GLB1L3: variants seen among roughly 807,000 people sequenced by gnomAD.
The protein encoded by GLB1L3 is galactosidase beta 1 like 3, also known as beta-galactosidase-1-like protein 3.
In GLB1L3, 89 loss-of-function variants were observed where a neutral mutation model predicts 89.5. That is an observed-to-expected ratio of 0.99 (90% confidence interval 0.84 to 1.19). The LOEUF is 1.19. GLB1L3 is among the 50% of genes most tolerant of loss of function. The pLI, the probability that GLB1L3 is intolerant of heterozygous loss-of-function variation, is 0.00. For missense variants in GLB1L3, 812 were observed against 813.3 expected, an observed-to-expected ratio of 1.00 and a Z score of 0.02; for synonymous variants, 314 against 312.3, an observed-to-expected ratio of 1.01 and a Z score of -0.06.
chr11:134,318,677 G>A lies in GLB1L3; in HGVS notation c.1826G>A (p.Arg609Gln), dbSNP rs779268002. The A allele has an allele frequency of 1.1e-5, 18 of 1,612,788 alleles. No individual in the cohort carries two copies. Among genetic ancestry groups the A allele is most frequent in the Middle Eastern group, 1.6e-4 (1 of 6,084 alleles). ...FVFINGRNLGRYWNIGPQKTL... is the reference protein window; with the variant it reads ...FVFINGRNLGQYWNIGPQKTL... ...TTCATCAATGGACGTAACCTTGGGC[G>A]ATATTGGAATATTGGGCCTCAGAAA... The change falls in exon 19 of 20, where the codon CGA becomes CAA. Residue 609 changes from arginine (R) to glutamine (Q), a missense_variant. Physicochemically the swap from Arg to Gln is conservative, Grantham distance 43 (BLOSUM62 1). This residue lies in a region of GLB1L3 where 618 missense variants were observed against 604.0 expected (regional missense o/e 1.02). Transcript: ENST00000431683.
In GLB1L3 at chr11:134,307,143, T is replaced by G. The variant is rs775656697; in HGVS notation, c.896T>G (p.Ile299Ser). Residue 299 changes from isoleucine (I) to serine (S), a missense_variant, in exon 10 of 20, where the codon ATT (isoleucine) becomes AGT (serine). Around this residue, in one of 3 missense-constraint regions of GLB1L3, gnomAD observed 618 missense variants for 604.0 expected, o/e 1.02. Coordinates refer to ENST00000431683, the MANE Select transcript of GLB1L3 (RefSeq NM_001080407.3). ...HKVQRDKPLLIMEYWVGWFDR... is the reference protein window; with the variant it reads ...HKVQRDKPLLSMEYWVGWFDR... ...TTTTAGAGAGATAAGCCCCTTCTGA[T>G]TATGGAATACTGGGTCGGCTGGTTC... 6.2e-7 allele frequency: 1 copy of G among 1,613,538 alleles called. No homozygotes were observed. The highest frequency in any genetic ancestry group is 1.3e-5 in the African/African-American group (1 of 74,928).
At chr11:134,307,275 C>G in intron 10 of GLB1L3, 67 bp downstream of exon 10, 6 of 1,092,808 alleles carry the variant, frequency 5.5e-6, no homozygotes, top group Non-Finnish European at 8.2e-6. Context: ...CTCATTCATA[C>G]AGTTCTCTGC....
chr11:134,282,005 G>C lies in GLB1L3; in HGVS notation c.432-20G>C, dbSNP rs369457965. The C allele has an allele frequency of 1.3e-4, 201 of 1,547,030 alleles. 1 individual carries two copies. The highest frequency in any genetic ancestry group is 5.4e-5 in the Non-Finnish European group (62 of 1,139,266). On this transcript the variant is annotated intron_variant, in intron 4 of 19. Coordinates refer to ENST00000431683, the MANE Select transcript of GLB1L3 (RefSeq NM_001080407.3). ...ATCCTGGGCCGTCGTGGGAGGGGCT[G>C]ACGATGTGGACCTCCCTAGGGCCTT...
intron 10 of GLB1L3, among the ~76,000 whole-genome samples, chr11:134,308,696 A>ACCACCACCACCATC (rs1284743861): frequency 6.6e-6 from 1 of 151,698 alleles, no homozygotes; most frequent in African/African-American, 2.4e-5. Context: ...CACCACTACC[A>ACCACCACCACCATC]AATAAAACTT....
intron 7 of GLB1L3, among the ~76,000 whole-genome samples, chr11:134,291,781 G>T (rs1373982030): frequency 6.6e-6 from 1 of 152,086 alleles, no homozygotes; most frequent in East Asian, 1.9e-4. Context: ...TTGAGACCAG[G>T]CTGGGCAACA....
chr11:134,324,204 C>T (rs1419794490), downstream of GLB1L3, among the ~76,000 whole-genome samples: 13 of 152,150 alleles, frequency 8.5e-5, no homozygotes, highest in East Asian at 1.9e-4. Context: ...CTTAATCTAC[C>T]GTACCCAACT....
At chr11:134,296,532 G>C (rs1283479838) in intron 9 of GLB1L3, among the ~76,000 whole-genome samples, 1 of 143,508 alleles carries the variant, frequency 7.0e-6, no homozygotes, top group African/African-American at 2.6e-5. Flanking sequence ...ATGAGTTCAT[G>C]TCCTTTGTAG....
At chr11:134,303,356 G>A (rs916495980) in intron 9 of GLB1L3, among the ~76,000 whole-genome samples, 2 of 152,126 alleles carry the variant, frequency 1.3e-5, no homozygotes, top group African/African-American at 2.4e-5. Flanking sequence ...ATTCTTGTTA[G>A]ACTGAAGTTG....
intron 7 of GLB1L3, among the ~76,000 whole-genome samples, chr11:134,289,826 G>A (rs1167236747): frequency 6.6e-6 from 1 of 152,188 alleles, no homozygotes; most frequent in Non-Finnish European, 1.5e-5. Context: ...GCCCCTGCTG[G>A]CCCCTGACTT....
chr11:134,292,314 C>T lies in GLB1L3; in HGVS notation c.811+101C>T, dbSNP rs1467064863. On this transcript the variant is annotated intron_variant, in intron 8 of 19. Transcript: ENST00000431683. ...AAAACCAAGTGCATCTCGATACCTC[C>T]CTTTCCCGTGTCCACTGGGATGGAT... 19 of 764,176 alleles carry T rather than the reference C, an allele frequency of 2.5e-5. No homozygotes were observed. In the East Asian group the frequency reaches 5.1e-4, roughly 21 times the overall value. 47.3% of individuals were successfully genotyped at this position (764,176 alleles called of 1,614,324 possible).
At chr11:134,289,476 A>G (rs1941218170) in intron 7 of GLB1L3, among the ~76,000 whole-genome samples, 1 of 152,182 alleles carries the variant, frequency 6.6e-6, no homozygotes, top group Non-Finnish European at 1.5e-5. Flanking sequence ...GTGTTGTTCA[A>G]GGTTCAACTG....
At position 134,310,644 on chromosome 11, in the gene GLB1L3, T is replaced by G. The variant is rs1321320788; in HGVS notation, c.1173T>G (p.Ser391=). ...KYLKLQKLFQ[S]VSATPLPRVP... ...TGAAGCTTCAAAAACTCTTTCAATC[T>G]GTCTCAGGTACTCAGCACCCATTTA... The change falls in exon 12 of 20, where the codon TCT becomes TCG. Residue 391 remains serine (S), a synonymous_variant. Transcript: ENST00000431683. 12 of 1,611,798 alleles carry G rather than the reference T, an allele frequency of 7.4e-6. No individual in the cohort carries two copies. Among genetic ancestry groups the G allele is most frequent in the Non-Finnish European group, 1.0e-5 (12 of 1,178,102 alleles).
chr11:134,304,990 G>T, intron 9 of GLB1L3: 1 of 944,354 alleles, frequency 1.1e-6, no homozygotes, highest in East Asian at 2.9e-5. Context: ...GTGAGAGCCC[G>T]CATGCGACTG....
rs748257033 is a variant in GLB1L3, at chr11:134,301,065, A to C, written c.877-6059A>C. On this transcript the variant is annotated intron_variant, in intron 9 of 19. Coordinates refer to ENST00000431683, the MANE Select transcript of GLB1L3 (RefSeq NM_001080407.3). ...TCGGCTCCCTTGACTTCAGACTCTC[A>C]CGCTGGCCCACACTGTCTTCAGCAC... is the stretch of plus-strand genomic sequence containing the variant. Among the ~76,000 whole-genome samples, 145 of 152,262 alleles carry C rather than the reference A, an allele frequency of 9.5e-4. 1 individual carries two copies. Among genetic ancestry groups the C allele is most frequent in the Non-Finnish European group, 2.6e-4 (18 of 68,026 alleles).
At chr11:134,292,036 T>G in intron 7 of GLB1L3, 96 bp from the exon 8 acceptor site, 2 of 787,890 alleles carry the variant, frequency 2.5e-6, no homozygotes, top group Non-Finnish European at 4.2e-6. Context: ...GCAGAATGCA[T>G]GGATGCAGAA....
At chr11:134,304,939 A>C (rs1565409212) in intron 9 of GLB1L3, among the ~76,000 whole-genome samples, 1 of 152,172 alleles carries the variant, frequency 6.6e-6, no homozygotes, top group African/African-American at 2.4e-5. Context: ...TCTTTGATGG[A>C]GATGAGTTCT....
chr11:134,312,310 C>T, intron 13 of GLB1L3, 39 bp from the exon 14 acceptor site: 5 of 1,605,644 alleles, frequency 3.1e-6, no homozygotes, highest in Non-Finnish European at 4.3e-6. Flanking sequence ...CCTGACTGCT[C>T]AGCCCTTGGA....
chr11:134,295,397 C>G (rs935734343), intron 9 of GLB1L3, among the ~76,000 whole-genome samples: 1 of 152,106 alleles, frequency 6.6e-6, no homozygotes, highest in Non-Finnish European at 1.5e-5. Context: ...TTTTTGAATT[C>G]GTGGACATAG....
At chr11:134,277,565 CG>C in intron 2 of GLB1L3, 114 bp downstream of exon 2, 1 of 1,521,306 alleles carries the variant, frequency 6.6e-7, no homozygotes, top group Non-Finnish European at 9.1e-7. Flanking sequence ...GCACAGAACA[CG>C]TCCTACTAAC....
Sources: allele counts gnomAD v4.1 joint callset (sites outside exome capture counted in the v4.1 genomes callset), GRCh38; gene constraint gnomAD v4.1.1; regional missense constraint gnomAD v4.1.1; transcripts MANE v1.5; gene names NCBI Gene and HGNC (gene_info 2026-07-23, HGNC 2026-07-21).